The following FNBP1 variants were observed in gnomAD, a reference collection of about 807,000 sequenced individuals.
The protein encoded by FNBP1 is formin-binding protein 1.
Under a neutral mutation model 90.6 loss-of-function variants are expected in FNBP1, and 26 were observed. That is an observed-to-expected ratio of 0.29 (90% CI 0.21 to 0.40). The LOEUF is 0.40. FNBP1 is among the 10% of genes least tolerant of loss of function. The probability of loss-of-function intolerance (pLI) is 1.00; values close to 1 mark genes in which losing one functional copy is unlikely to be tolerated. For synonymous variants in FNBP1, 260 were observed against 265.2 expected (o/e 0.98, Z 0.19); for missense variants, 635 against 768.0 (o/e 0.83, Z 2.05).
chr9:129,949,929 G>C (rs1468279501), intron 6 of FNBP1, among the ~76,000 whole-genome samples: 1 of 152,058 alleles, frequency 6.6e-6, no homozygotes, highest in Non-Finnish European at 1.5e-5. Flanking sequence ...GTACAAATAA[G>C]GCTTTTGTAA....
In FNBP1 at chr9:129,907,580, G is replaced by GGGGTGTGTGT. The variant is rs942734835; in HGVS notation, c.1295+1309_1295+1310insACACACACCC. The stretch of plus-strand genomic sequence containing the variant: ...ATCCTTAGCTCTTGCTAGGAGTGAG[G>GGGGTGTGTGT]GTGTGTGTGTGTGTGTGTGTGTGTG... On this transcript the variant is annotated intron_variant, in intron 12 of 16. Transcript: ENST00000446176. Among the ~76,000 whole-genome samples the GGGGTGTGTGT allele has an allele frequency of 3.4e-3, 503 of 147,182 alleles. 2 individuals are homozygous for GGGGTGTGTGT. Among genetic ancestry groups the GGGGTGTGTGT allele is most frequent in the African/African-American group, 9.4e-3 (372 of 39,754 alleles).
At chr9:130,004,250 A>C (rs1701371373) in intron 1 of FNBP1, among the ~76,000 whole-genome samples, 1 of 151,764 alleles carries the variant, frequency 6.6e-6, no homozygotes, top group African/African-American at 2.4e-5. Flanking sequence ...GTGATAGGGC[A>C]AGACTCCATC....
intron 1 of FNBP1, among the ~76,000 whole-genome samples, chr9:130,030,451 AAT>A (rs552266571): frequency 0.011 from 1,605 of 151,908 alleles, 19 homozygotes; most frequent in Middle Eastern, 0.051. Context: ...AAAAAAAAAA[AAT>A]CTAAACATAA....
rs756371406 is a variant in FNBP1 at position 130,042,063 on chromosome 9, C to T, written c.24+889G>A. Among the ~76,000 whole-genome samples, 28 of 152,160 alleles carry T rather than the reference C, an allele frequency of 1.8e-4. No individual in the cohort carries two copies. Among genetic ancestry groups the T allele is most frequent in the Admixed American group, 1.6e-3 (25 of 15,278 alleles). Reference sequence around the variant, plus strand: ...CTGCCCAGTGATTTCCCCAGGAATCCGGGGACGGCAGGAAAAGAGCTCCAT... The same window carrying T: ...CTGCCCAGTGATTTCCCCAGGAATCTGGGGACGGCAGGAAAAGAGCTCCAT... On this transcript the variant is annotated intron_variant, in intron 1 of 16. Coordinates refer to ENST00000446176, the MANE Select transcript of FNBP1 (RefSeq NM_015033.3). This position sits in a 1 kb window ranked among gnomAD's most constrained non-coding sequence, Gnocchi z 5.5.
intron 6 of FNBP1, among the ~76,000 whole-genome samples, chr9:129,945,995 C>A (rs2132467960): frequency 6.6e-6 from 1 of 152,174 alleles, no homozygotes; most frequent in East Asian, 1.9e-4. Context: ...TGGTGAAAGC[C>A]TATCTCTACT....
At chr9:129,921,739 G>A (rs2041148014) in intron 10 of FNBP1, among the ~76,000 whole-genome samples, 1 of 152,040 alleles carries the variant, frequency 6.6e-6, no homozygotes, top group Admixed American at 6.6e-5. Flanking sequence ...TTGTTTTTGT[G>A]GAAATACGAT....
chr9:129,927,077 G>T, intron 8 of FNBP1, 118 bp downstream of exon 8: 2 of 989,448 alleles, frequency 2.0e-6, no homozygotes, highest in South Asian at 1.5e-5. Context: ...GAGCATGTGT[G>T]ACCACCAAAA....
At chr9:129,958,458 A>G in intron 5 of FNBP1, 33 bp downstream of exon 5, 1 of 1,535,922 alleles carries the variant, frequency 6.5e-7, no homozygotes. Context: ...AAATCTATAA[A>G]GCCGTTTCTT....
intron 1 of FNBP1, among the ~76,000 whole-genome samples, chr9:130,021,569 A>C (rs2057829530): frequency 6.6e-6 from 1 of 152,202 alleles, no homozygotes; most frequent in Non-Finnish European, 1.5e-5. Flanking sequence ...ATTTCCAATT[A>C]ATTATTTGAA....
chr9:129,998,304 C>G (rs2131376830), intron 1 of FNBP1, among the ~76,000 whole-genome samples: 1 of 151,512 alleles, frequency 6.6e-6, no homozygotes, highest in Middle Eastern at 3.4e-3. Flanking sequence ...GACCTGAGGT[C>G]AGGAGTCTGA....
chr9:129,914,755 GTCTATATATATA>G (rs1391730469), intron 11 of FNBP1, among the ~76,000 whole-genome samples: 1,537 of 98,434 alleles, frequency 0.016, 99 homozygotes, highest in South Asian at 0.054. Flanking sequence ...ACATACATAT[GTCTATATATATA>G]TATATATATA....
intron 1 of FNBP1, chr9:130,014,111 T>C (rs1452828302): frequency 4.4e-6 from 2 of 454,180 alleles, no homozygotes; most frequent in African/African-American, 2.0e-5. Context: ...AGGATGAAAC[T>C]GTAAAAATAA....
intron 11 of FNBP1, among the ~76,000 whole-genome samples, chr9:129,911,728 C>T (rs56002210): frequency 2.0e-5 from 3 of 151,920 alleles, no homozygotes; most frequent in East Asian, 1.9e-4. Flanking sequence ...GTCAGGAGCT[C>T]GAAACCAGCC....
At chr9:129,945,157 A>G (rs981910877) in intron 6 of FNBP1, among the ~76,000 whole-genome samples, 3 of 152,196 alleles carry the variant, frequency 2.0e-5, no homozygotes, top group Non-Finnish European at 4.4e-5. Context: ...CATAAAGAAG[A>G]GAATAATAAA....
intron 10 of FNBP1, among the ~76,000 whole-genome samples, chr9:129,917,843 C>T (rs2040493891): frequency 6.6e-6 from 1 of 152,186 alleles, no homozygotes; most frequent in African/African-American, 2.4e-5. Flanking sequence ...TCCAGCCCGC[C>T]TGTGAACTTG....
chr9:129,985,961 CAAAAAAAAA>C (rs898462142), intron 2 of FNBP1, among the ~76,000 whole-genome samples: 5 of 45,124 alleles, frequency 1.1e-4, no homozygotes, highest in Non-Finnish European at 1.6e-4. Flanking sequence ...AGCTCCATCT[CAAAAAAAAA>C]AAAAAAAAAA....
At chr9:129,902,770 C>T in intron 13 of FNBP1, 99 bp downstream of exon 13, 1 of 1,199,652 alleles carries the variant, frequency 8.3e-7, no homozygotes, top group South Asian at 1.4e-5. Context: ...CCACTGTGTA[C>T]CTCCCAGTGA....
chr9:130,032,167 CTT>C (rs769360352), intron 1 of FNBP1, among the ~76,000 whole-genome samples: 4 of 142,496 alleles, frequency 2.8e-5, no homozygotes, highest in African/African-American at 2.6e-5. Context: ...TTAAAATAAA[CTT>C]TTTTTTTTTT....
intron 1 of FNBP1, among the ~76,000 whole-genome samples, chr9:129,995,874 T>A (rs1331479603): frequency 6.6e-6 from 1 of 152,106 alleles, no homozygotes; most frequent in African/African-American, 2.4e-5. Context: ...CTTAGGAGTT[T>A]AGACTCTCCA....
Sources: gnomAD v4.1 joint callset for allele counts (sites outside exome capture counted in the v4.1 genomes callset) on GRCh38, gnomAD v4.1.1 for gene constraint, Gnocchi (gnomAD v3.1) non-coding constraint, MANE v1.5 for transcripts, NCBI Gene and HGNC (gene_info 2026-07-23, HGNC 2026-07-21) for gene names.